Variants in RALYL observed in about 807,000 individuals in gnomAD.
RALYL encodes RALY RNA binding protein like, also known as RNA-binding Raly-like protein.
In RALYL, 29 loss-of-function variants were observed where a neutral mutation model predicts 35.1. The observed-to-expected ratio is 0.83, with a 90% CI of 0.61 to 1.13. RALYL has a LOEUF of 1.13. RALYL is among the 50% of genes most tolerant of loss of function. RALYL has a pLI of 0.00. For missense variants in RALYL, 359 were observed against 360.4 expected (o/e 1.00, Z 0.03); for synonymous variants, 120 against 127.6 (o/e 0.94, Z 0.40).
intron 2 of RALYL, among the ~76,000 whole-genome samples, chr8:84,637,826 G>A (rs1021148527): frequency 6.6e-6 from 1 of 151,790 alleles, no homozygotes; most frequent in Non-Finnish European, 1.5e-5. Flanking sequence ...TTATCCCCTG[G>A]AACTTCTAAG....
chr8:84,413,660 G>C (rs2044325079), intron 1 of RALYL, among the ~76,000 whole-genome samples: 1 of 151,970 alleles, frequency 6.6e-6, no homozygotes, highest in African/African-American at 2.4e-5. Context: ...ATCCATAAAA[G>C]TGCCAAGTTA....
At chr8:84,234,344 T>G (rs2131471885) in intron 1 of RALYL, among the ~76,000 whole-genome samples, 1 of 152,324 alleles carries the variant, frequency 6.6e-6, no homozygotes, top group South Asian at 2.1e-4. Context: ...ATATGTATTT[T>G]CTTATTCTCT....
At chr8:84,303,024 T>C (rs567015798) in intron 1 of RALYL, among the ~76,000 whole-genome samples, 88 of 152,316 alleles carry the variant, frequency 5.8e-4, no homozygotes, top group Non-Finnish European at 9.3e-4. Flanking sequence ...GTTAATATAC[T>C]TTAATTTTTA....
intron 2 of RALYL, among the ~76,000 whole-genome samples, chr8:84,631,074 AAGG>A (rs1272797943): frequency 6.6e-6 from 1 of 152,002 alleles, no homozygotes; most frequent in African/African-American, 2.4e-5. Context: ...GTGTGATCAT[AAGG>A]AGATTACCAA....
intron 1 of RALYL, among the ~76,000 whole-genome samples, chr8:84,519,298 A>C (rs1016734986): frequency 1.3e-5 from 2 of 152,228 alleles, no homozygotes; most frequent in Admixed American, 1.3e-4. Flanking sequence ...AAATGATAAC[A>C]GTTTCTGGGC....
chr8:84,529,321 C>T lies in RALYL; in HGVS notation c.-1C>T. The stretch of plus-strand genomic sequence containing the variant: ...AAGGATTAAAGCAAGGAGAGCCAAT[C>T]ATGACTGGCAAAACACAGACCAGCA... On this transcript the variant is annotated 5_prime_UTR_variant, in exon 2 of 9. Transcript: ENST00000521268. 1.3e-6 allele frequency: 2 copies of T among 1,567,574 alleles called. No individual in the cohort carries two copies. The highest frequency in any genetic ancestry group is 2.3e-5 in the East Asian group (1 of 43,220).
intron 1 of RALYL, among the ~76,000 whole-genome samples, chr8:84,311,871 C>T (rs1239705779): frequency 6.6e-6 from 1 of 152,022 alleles, no homozygotes; most frequent in Admixed American, 6.6e-5. Context: ...AGAACAAATA[C>T]ATCAAGGAAT....
chr8:84,729,905 C>A (rs1447115592), intron 2 of RALYL, among the ~76,000 whole-genome samples: 3 of 152,064 alleles, frequency 2.0e-5, no homozygotes, highest in Non-Finnish European at 2.9e-5. Flanking sequence ...GCTTACCAAC[C>A]AAAAAGAGTC....
intron 5 of RALYL, among the ~76,000 whole-genome samples, chr8:84,853,147 T>A (rs1836230457): frequency 6.6e-6 from 1 of 152,156 alleles, no homozygotes; most frequent in Non-Finnish European, 1.5e-5. Flanking sequence ...AATAAATACC[T>A]AACCTCCTGG....
intron 1 of RALYL, among the ~76,000 whole-genome samples, chr8:84,303,233 A>T (rs781303016): frequency 6.6e-6 from 1 of 152,194 alleles, no homozygotes; most frequent in Non-Finnish European, 1.5e-5. Context: ...TGAATGATAG[A>T]CATAATGTGT....
At chr8:84,742,240 A>G (rs1220911396) in intron 2 of RALYL, among the ~76,000 whole-genome samples, 1 of 151,968 alleles carries the variant, frequency 6.6e-6, no homozygotes, top group Non-Finnish European at 1.5e-5. Context: ...CCATTTTTAT[A>G]TGTAATAGCA....
At position 84,539,005 on chromosome 8, in the gene RALYL, A is replaced by T. The variant is rs191462636; in HGVS notation, c.256+9428A>T. Among the ~76,000 whole-genome samples, 4 of 152,344 alleles carry T rather than the reference A, an allele frequency of 2.6e-5. No homozygotes were observed. In the East Asian group the frequency reaches 7.7e-4, roughly 29 times the overall value. On this transcript the variant is annotated intron_variant, in intron 2 of 8. Transcript: ENST00000521268. Reference sequence around the variant, plus strand: ...ACAAATTGAGTATAATCATGAAGAAAATCTTTATAGGCTGCAATTCTTAAG... The same window carrying T: ...ACAAATTGAGTATAATCATGAAGAATATCTTTATAGGCTGCAATTCTTAAG...
chr8:84,407,490 TTAAGA>T (rs1413236054), intron 1 of RALYL, among the ~76,000 whole-genome samples: 8 of 152,118 alleles, frequency 5.3e-5, no homozygotes, highest in Admixed American at 1.3e-4. Flanking sequence ...ATCTACAGTG[TTAAGA>T]TAAATAATTT....
intron 2 of RALYL, among the ~76,000 whole-genome samples, chr8:84,669,484 CCCT>C (rs1588895567): frequency 4.6e-5 from 1 of 21,956 alleles, no homozygotes; most frequent in East Asian, 1.5e-3. Context: ...TCTCCCTCCC[CCCT>C]CCCCCCCCCC....
At chr8:84,533,813 A>G (rs1015774862) in intron 2 of RALYL, among the ~76,000 whole-genome samples, 2 of 152,258 alleles carry the variant, frequency 1.3e-5, no homozygotes, top group African/African-American at 4.8e-5. Flanking sequence ...ATACTTAACT[A>G]GATCCTGAAG....
chr8:84,613,897 C>A (rs1405567547), intron 2 of RALYL, among the ~76,000 whole-genome samples: 1 of 147,674 alleles, frequency 6.8e-6, no homozygotes, highest in Non-Finnish European at 1.5e-5. Flanking sequence ...ACAAATCTTG[C>A]CATTTATATT....
chr8:84,525,447 A>G (rs2058807806), intron 1 of RALYL, among the ~76,000 whole-genome samples: 1 of 151,944 alleles, frequency 6.6e-6, no homozygotes, highest in African/African-American at 2.4e-5. Flanking sequence ...TAATTTTATT[A>G]TGATGTGTCT....
At chr8:84,730,293 A>G (rs1467782485) in intron 2 of RALYL, among the ~76,000 whole-genome samples, 4 of 152,188 alleles carry the variant, frequency 2.6e-5, no homozygotes, top group Non-Finnish European at 5.9e-5. Context: ...CCACATGATT[A>G]TCTCAACAGA....
At chr8:84,481,920 A>G (rs1336167561) in intron 1 of RALYL, among the ~76,000 whole-genome samples, 1 of 152,162 alleles carries the variant, frequency 6.6e-6, no homozygotes, top group East Asian at 1.9e-4. Flanking sequence ...ATCAACTCTC[A>G]TAAAATTGAA....
Sources: gnomAD v4.1 joint callset for allele counts (sites outside exome capture counted in the v4.1 genomes callset) on GRCh38, gnomAD v4.1.1 for gene constraint, MANE v1.5 for transcripts, NCBI Gene and HGNC (gene_info 2026-07-23, HGNC 2026-07-21) for gene names.